ZCCHC7: variants seen among roughly 807,000 people sequenced by gnomAD.
ZCCHC7 encodes the protein zinc finger CCHC domain-containing protein 7.
A neutral mutation model predicts 52.0 loss-of-function variants in ZCCHC7; 35 were observed. That is an observed-to-expected ratio of 0.67 (90% CI 0.51 to 0.89). ZCCHC7 has a LOEUF of 0.89. ZCCHC7 is among the 40% of genes least tolerant of loss of function. The probability of loss-of-function intolerance (pLI) is 0.00; values close to 1 mark genes in which losing one functional copy is unlikely to be tolerated. For missense variants in ZCCHC7, 574 were observed against 649.1 expected (o/e 0.88, Z 1.26); for synonymous variants, 217 against 221.5 (o/e 0.98, Z 0.18).
At chr9:37,335,560 C>T (rs1020914039) in intron 6 of ZCCHC7, among the ~76,000 whole-genome samples, 6 of 152,140 alleles carry the variant, frequency 3.9e-5, no homozygotes, top group Non-Finnish European at 7.4e-5. Flanking sequence ...ATGTTAAACA[C>T]TATGCAGGCT....
At chr9:37,279,703 A>AAT (rs150994323) in intron 2 of ZCCHC7, among the ~76,000 whole-genome samples, 14,515 of 149,020 alleles carry the variant, frequency 0.097, 894 homozygotes, top group Middle Eastern at 0.16. Flanking sequence ...TATAAATTAA[A>AAT]ATATATATAT....
At chr9:37,346,857 G>T (rs953018747) in intron 6 of ZCCHC7, among the ~76,000 whole-genome samples, 3 of 152,020 alleles carry the variant, frequency 2.0e-5, no homozygotes, top group Non-Finnish European at 4.4e-5. Context: ...GTAGCCAGGC[G>T]TAGTGGTGCA....
At chr9:37,191,935 T>A (rs1171221597) in intron 2 of ZCCHC7, among the ~76,000 whole-genome samples, 1 of 152,216 alleles carries the variant, frequency 6.6e-6, no homozygotes, top group Non-Finnish European at 1.5e-5. Context: ...GGGGCAGAGC[T>A]GTAGAAAACC....
intron 2 of ZCCHC7, among the ~76,000 whole-genome samples, chr9:37,269,649 A>G (rs562445041): frequency 6.7e-6 from 1 of 149,860 alleles, no homozygotes; most frequent in Non-Finnish European, 1.5e-5. Flanking sequence ...AAAAAAAACA[A>G]AAGAAGTTCT....
intron 2 of ZCCHC7, among the ~76,000 whole-genome samples, chr9:37,202,137 T>C (rs143262230): frequency 1.3e-3 from 194 of 152,370 alleles, no homozygotes; most frequent in African/African-American, 4.3e-3. Context: ...ATAAAAAAGT[T>C]TACATTCTTT....
At chr9:37,123,190 GGTGTGTGTGT>G (rs58690804) in intron 1 of ZCCHC7, among the ~76,000 whole-genome samples, 30,696 of 148,740 alleles carry the variant, frequency 0.21, 3,291 homozygotes, top group Non-Finnish European at 0.25. Context: ...CTGAGTCAAG[GGTGTGTGTGT>G]GTGTGTGTGT....
chr9:37,276,285 A>G (rs906989682), intron 2 of ZCCHC7, among the ~76,000 whole-genome samples: 1 of 152,164 alleles, frequency 6.6e-6, no homozygotes, highest in African/African-American at 2.4e-5. Context: ...TGTTGGACAG[A>G]TATCTCCTTC....
rs1256199331 is a variant in ZCCHC7 at position 37,215,678 on chromosome 9, G to A, written c.611-86510G>A. 3.9e-5 allele frequency among the ~76,000 whole-genome samples: 6 copies of A among 152,240 alleles called. 1 individual carries two copies. The Middle Eastern group carries it at 0.02, about 518-fold the overall frequency. Reference sequence around the variant, plus strand: ...AAGATGCACTTAACTTCATTCTAATGTCTTGCTTCTTTATTTCTCTGAATG... The same window carrying A: ...AAGATGCACTTAACTTCATTCTAATATCTTGCTTCTTTATTTCTCTGAATG... On this transcript the variant is annotated intron_variant, in intron 2 of 8. Transcript: ENST00000336755.
chr9:37,211,757 G>T (rs867764371), intron 2 of ZCCHC7, among the ~76,000 whole-genome samples: 1 of 152,062 alleles, frequency 6.6e-6, no homozygotes, highest in Admixed American at 6.6e-5. Context: ...GGCCGGGCGC[G>T]GTGGCTCACG....
In ZCCHC7 at chr9:37,176,054, T is replaced by TTTTG. The variant is rs144557198; in HGVS notation, c.610+49136_610+49139dup. 9.6e-3 allele frequency among the ~76,000 whole-genome samples: 1,454 copies of TTTTG among 151,728 alleles called. 28 individuals are homozygous for TTTTG. The highest frequency in any genetic ancestry group is 0.032 in the African/African-American group (1,306 of 41,348). On this transcript the variant is annotated intron_variant, in intron 2 of 8. Coordinates refer to ENST00000336755, the MANE Select transcript of ZCCHC7 (RefSeq NM_032226.3). The stretch of plus-strand genomic sequence containing the variant: ...CAAATATTTCTTAAGCCTCATTTGT[T>TTTTG]TTTGTTTGTTTGTTTGTTTGTTTGT...
chr9:37,212,829 A>G (rs986599001), intron 2 of ZCCHC7, among the ~76,000 whole-genome samples: 4 of 152,190 alleles, frequency 2.6e-5, no homozygotes, highest in Non-Finnish European at 5.9e-5. Flanking sequence ...GAATCCTTCT[A>G]TATCTTTCTC....
chr9:37,228,896 C>T (rs1408172768), intron 2 of ZCCHC7, among the ~76,000 whole-genome samples: 8 of 144,334 alleles, frequency 5.5e-5, no homozygotes, highest in Non-Finnish European at 9.0e-5. Flanking sequence ...AGTGCAGTGG[C>T]GCAATCTCAG....
chr9:37,164,511 T>C (rs1291206608), intron 2 of ZCCHC7, among the ~76,000 whole-genome samples: 3 of 146,708 alleles, frequency 2.0e-5, no homozygotes, highest in African/African-American at 5.2e-5. Context: ...ACAGACAAGA[T>C]AGATAGACTC....
chr9:37,262,677 T>A (rs1436505034), intron 2 of ZCCHC7, among the ~76,000 whole-genome samples: 1 of 152,242 alleles, frequency 6.6e-6, no homozygotes, highest in East Asian at 1.9e-4. Context: ...AATAAATGGA[T>A]GTTTTAATCA....
chr9:37,289,848 A>G (rs2133620923), intron 2 of ZCCHC7, among the ~76,000 whole-genome samples: 1 of 152,292 alleles, frequency 6.6e-6, no homozygotes, highest in Non-Finnish European at 1.5e-5. Flanking sequence ...TAAACACATC[A>G]GGAATATTTT....
At chr9:37,302,814 C>T (rs1252036417) in intron 3 of ZCCHC7, among the ~76,000 whole-genome samples, 1 of 152,170 alleles carries the variant, frequency 6.6e-6, no homozygotes, top group Non-Finnish European at 1.5e-5. Context: ...TTGGTACTCT[C>T]TTACAAGATC....
chr9:37,189,039 C>T (rs907623652), intron 2 of ZCCHC7, among the ~76,000 whole-genome samples: 17 of 126,946 alleles, frequency 1.3e-4, no homozygotes, highest in African/African-American at 5.2e-4. Context: ...ATAAATCTGT[C>T]AGCTATCTAG....
intron 2 of ZCCHC7, among the ~76,000 whole-genome samples, chr9:37,163,837 T>C (rs982598676): frequency 6.6e-6 from 1 of 152,208 alleles, no homozygotes; most frequent in African/African-American, 2.4e-5. Context: ...TTTTGCTTCA[T>C]TTTGAGTTAA....
At chr9:37,162,285 G>T (rs6476616) in intron 2 of ZCCHC7, among the ~76,000 whole-genome samples, 1 of 151,830 alleles carries the variant, frequency 6.6e-6, no homozygotes, top group African/African-American at 2.4e-5. Context: ...AGTTTCATAG[G>T]TTTTAAGATA....
Sources: gnomAD v4.1 joint callset for allele counts (sites outside exome capture counted in the v4.1 genomes callset) on GRCh38, gnomAD v4.1.1 for gene constraint, MANE v1.5 for transcripts, NCBI Gene and HGNC (gene_info 2026-07-23, HGNC 2026-07-21) for gene names.